KLC1: variants seen among roughly 807,000 people sequenced by gnomAD.
KLC1 encodes the protein kinesin 2 60/70kDa.
A neutral mutation model predicts 84.2 loss-of-function variants in KLC1; 30 were observed. The observed-to-expected ratio is 0.36, with a 90% CI of 0.27 to 0.48. The LOEUF is 0.48. KLC1 is among the 20% of genes least tolerant of loss of function. The pLI, the probability that KLC1 is intolerant of heterozygous loss-of-function variation, is 0.99. For synonymous variants in KLC1, 289 were observed against 293.3 expected (o/e 0.99, Z 0.15); for missense variants, 499 against 805.4 (o/e 0.62, Z 4.60).
chr14:103,685,642 A>G, intron 13 of KLC1: 1 of 1,289,416 alleles, frequency 7.8e-7, no homozygotes, highest in Non-Finnish European at 1.0e-6. Flanking sequence ...TGACAGGCCT[A>G]GCCGCCCGTG....
intron 12 of KLC1, 79 bp from the exon 13 acceptor site, chr14:103,679,303 TTC>T (rs111661172): frequency 2.6e-6 from 4 of 1,515,364 alleles, no homozygotes; most frequent in Non-Finnish European, 2.7e-6. Flanking sequence ...TTTTTTTTTT[TTC>T]TAGCGAAGTA....
In KLC1 at chr14:103,657,775, C is replaced by T. The variant is rs561219672; in HGVS notation, c.491C>T (p.Ser164Phe). 6.2e-7 allele frequency: 1 copy of T among 1,606,696 alleles called. No homozygotes were observed. Among genetic ancestry groups the T allele is most frequent in the Admixed American group, 1.7e-5 (1 of 59,754 alleles). Reference sequence around the variant, plus strand: ...AAATATGATGACGACATTTCCCCATCCGTGAGTGGCTCTGTAGCAAATGTG... The same window carrying T: ...AAATATGATGACGACATTTCCCCATTCGTGAGTGGCTCTGTAGCAAATGTG... ...LKKYDDDISP[S>F]EDKDTDSTKE... The change falls in exon 3 of 17, where the codon TCC becomes TTC. Residue 164 changes from serine to phenylalanine, a missense_variant and splice_region_variant. Physicochemically the swap from Ser to Phe is radical, Grantham distance 155 (BLOSUM62 -2). Transcript: ENST00000334553.
chr14:103,689,684 T>A (rs1196736194), intron 14 of KLC1, among the ~76,000 whole-genome samples: 4 of 152,268 alleles, frequency 2.6e-5, no homozygotes, highest in Admixed American at 2.6e-4. Flanking sequence ...CCGGGGCCAC[T>A]TTTTGAGAAT....
intron 6 of KLC1, 112 bp from the exon 7 acceptor site, chr14:103,670,070 C>A: frequency 1.4e-6 from 1 of 711,792 alleles, no homozygotes; most frequent in Non-Finnish European, 2.4e-6. Context: ...TTGTTCTATC[C>A]GACTAAGAAT....
chr14:103,683,722 C>G (rs2151801128), intron 13 of KLC1: 1 of 152,374 alleles, frequency 6.6e-6, no homozygotes, highest in South Asian at 2.1e-4. Flanking sequence ...AGGTCGCCAG[C>G]TCTGCTGGGG....
rs532144495 is a variant in KLC1, at chr14:103,663,898, C to T, written c.797+971C>T. Among the ~76,000 whole-genome samples, 114 of 152,174 alleles carry T rather than the reference C, an allele frequency of 7.5e-4. 1 individual carries two copies. Among genetic ancestry groups the T allele is most frequent in the African/African-American group, 2.7e-3 (111 of 41,508 alleles). Reference sequence around the variant, plus strand: ...GCCTAATGACGCTTGAAGAGAAATGCGGTGATATGACTACCCACACGCATA... The same window carrying T: ...GCCTAATGACGCTTGAAGAGAAATGTGGTGATATGACTACCCACACGCATA... On this transcript the variant is annotated intron_variant, in intron 5 of 16. Transcript: ENST00000334553.
intron 7 of KLC1, among the ~76,000 whole-genome samples, chr14:103,672,734 A>C (rs1191210342): frequency 6.6e-6 from 1 of 152,222 alleles, no homozygotes; most frequent in African/African-American, 2.4e-5. Context: ...TACATAGTAC[A>C]ACCAATGTAC....
chr14:103,651,263 C>T (rs2078416803), intron 1 of KLC1, among the ~76,000 whole-genome samples: 1 of 152,228 alleles, frequency 6.6e-6, no homozygotes, highest in East Asian at 1.9e-4. Context: ...CAGCCTCGGC[C>T]TCCCAGAGTG....
intron 11 of KLC1, 120 bp downstream of exon 11, chr14:103,675,876 T>C: frequency 1.3e-6 from 1 of 746,552 alleles, no homozygotes; most frequent in South Asian, 1.9e-5. Flanking sequence ...AGTCCCATGT[T>C]TTTCCCGAAT....
In KLC1 at chr14:103,633,863, A is replaced by AT. The variant is rs547590014; in HGVS notation, c.-2+4379dup. On this transcript the variant is annotated intron_variant, in intron 1 of 16. Coordinates refer to ENST00000334553, the MANE Select transcript of KLC1 (RefSeq NM_001394837.1). ...CTATCTTAAATGCTGTATTATTATT[A>AT]TTTTTTTTTTATTATTACTTTTTGA... Among the ~76,000 whole-genome samples, 173 of 150,564 alleles carry AT rather than the reference A, an allele frequency of 1.1e-3. 3 individuals are homozygous for AT. In the East Asian group the frequency reaches 0.02, roughly 18 times the overall value.
Position 103,701,435 on chromosome 14 carries a change from T to C in KLC1, c.*236T>C, listed in dbSNP as rs2083188019. 1 of 458,750 alleles carries C rather than the reference T, an allele frequency of 2.2e-6. No homozygotes were observed. The highest frequency in any genetic ancestry group is 3.7e-5 in the Admixed American group (1 of 26,848). 28.4% of individuals were successfully genotyped at this position (458,750 alleles called of 1,614,324 possible). On this transcript the variant is annotated 3_prime_UTR_variant, in exon 17 of 17. Transcript: ENST00000334553. ...GCGGCGTGGTCTCTCCCAGGAGACCTGGGGCATGAGCTGGGCCCACGGCTC... is the reference window on the plus strand; with the variant it reads ...GCGGCGTGGTCTCTCCCAGGAGACCCGGGGCATGAGCTGGGCCCACGGCTC...
intron 12 of KLC1, among the ~76,000 whole-genome samples, chr14:103,677,892 G>A (rs1053854134): frequency 3.3e-5 from 5 of 151,626 alleles, no homozygotes; most frequent in African/African-American, 1.2e-4. Context: ...GCTTGAACCT[G>A]GGAGGTGGAG....
chr14:103,660,818 AAAT>A (rs1192587154), intron 3 of KLC1, among the ~76,000 whole-genome samples: 5 of 151,974 alleles, frequency 3.3e-5, no homozygotes, highest in Non-Finnish European at 7.4e-5. Context: ...ATAAATAAAT[AAAT>A]AAATAAATAA....
rs774917470 is a variant in KLC1 at position 103,677,433 on chromosome 14, T to C, written c.1398T>C (p.Thr466=). The C allele has an allele frequency of 1.2e-6, 2 of 1,612,568 alleles. No homozygotes were observed. Among genetic ancestry groups the C allele is most frequent in the Non-Finnish European group, 1.7e-6 (2 of 1,178,540 alleles). ...CTTACAGTCCAACTGTTACAACCAC[T>C]CTAAAAAACCTTGGGGCACTTTACA... ...CKVDSPTVTT[T]LKNLGALYRR... Residue 466 remains threonine, a synonymous_variant, in exon 12 of 17, where the codon ACT becomes ACC. Transcript: ENST00000334553.
chr14:103,659,240 C>T (rs1252723395), intron 3 of KLC1, among the ~76,000 whole-genome samples: 1 of 152,224 alleles, frequency 6.6e-6, no homozygotes. Flanking sequence ...GCTGGGATTA[C>T]AGGCGTGAGC....
intron 14 of KLC1, among the ~76,000 whole-genome samples, chr14:103,690,373 C>T (rs2082026816): frequency 6.6e-6 from 1 of 152,124 alleles, no homozygotes. Context: ...CTGGTTGGGA[C>T]ATTTTGGGGG....
At chr14:103,643,270 T>C (rs2077631293) in intron 1 of KLC1, among the ~76,000 whole-genome samples, 1 of 152,170 alleles carries the variant, frequency 6.6e-6, no homozygotes, top group South Asian at 2.1e-4. Context: ...TTTCCCCATC[T>C]CCTTGGAGTG....
chr14:103,696,819 C>T, intron 15 of KLC1: 1 of 985,478 alleles, frequency 1.0e-6, no homozygotes, highest in Non-Finnish European at 1.2e-6. Context: ...AGGGCAAGAC[C>T]CATGGCCCTG....
At chr14:103,686,217 T>C (rs2151822169) in intron 13 of KLC1, 1 of 986,682 alleles carries the variant, frequency 1.0e-6, no homozygotes, top group Non-Finnish European at 1.2e-6. Flanking sequence ...ATAAACTCAC[T>C]CCGACTGACC....
Sources: allele counts gnomAD v4.1 joint callset (sites outside exome capture counted in the v4.1 genomes callset), GRCh38; gene constraint gnomAD v4.1.1; transcripts MANE v1.5; gene names NCBI Gene and HGNC (gene_info 2026-07-23, HGNC 2026-07-21).